The following NUMB variants were observed in gnomAD, a reference collection of about 807,000 sequenced individuals.
The protein encoded by NUMB is protein numb homolog.
In NUMB, 29 loss-of-function variants were observed where a neutral mutation model predicts 59.7. That is an observed-to-expected ratio of 0.49 (90% CI 0.36 to 0.66). The LOEUF (loss-of-function observed/expected upper bound fraction) is 0.66. Ranked by LOEUF, NUMB falls within the 30% of genes least tolerant of loss-of-function variation. The pLI is 0.00. For synonymous variants in NUMB, 288 were observed against 288.2 expected (o/e 1.00, Z 0.01); for missense variants, 723 against 822.0 (o/e 0.88, Z 1.47).
At chr14:73,408,567 C>A (rs58885392) in intron 2 of NUMB, among the ~76,000 whole-genome samples, 3,137 of 152,188 alleles carry the variant, frequency 0.021, 111 homozygotes, top group African/African-American at 0.071. Flanking sequence ...TAGCAGTATA[C>A]TGTTTTGTTG....
At chr14:73,335,745 G>A (rs1892274830) in intron 4 of NUMB, among the ~76,000 whole-genome samples, 1 of 152,208 alleles carries the variant, frequency 6.6e-6, no homozygotes, top group African/African-American at 2.4e-5. Context: ...GACCTCTGAT[G>A]TGAGAGACTC....
chr14:73,457,650 C>G (rs914507189), intron 1 of NUMB: 1 of 152,360 alleles, frequency 6.6e-6, no homozygotes, highest in African/African-American at 2.4e-5. Flanking sequence ...ACGCGAGCCA[C>G]TCCTCGAGGA....
chr14:73,397,841 AAAG>A (rs1277377856), intron 2 of NUMB, among the ~76,000 whole-genome samples: 1 of 152,154 alleles, frequency 6.6e-6, no homozygotes, highest in Non-Finnish European at 1.5e-5. Flanking sequence ...CACCCCCTCT[AAAG>A]AAGACATTGA....
chr14:73,440,230 G>T (rs61985852), intron 1 of NUMB, among the ~76,000 whole-genome samples: 1 of 63,098 alleles, frequency 1.6e-5, no homozygotes, highest in African/African-American at 8.9e-5. Flanking sequence ...TATATATATG[G>T]ATATCCATAT....
intron 1 of NUMB, among the ~76,000 whole-genome samples, chr14:73,424,134 T>C (rs1185514746): frequency 6.6e-6 from 1 of 152,124 alleles, no homozygotes; most frequent in Admixed American, 6.5e-5. Context: ...TCTCTCTATA[T>C]ATAGAATCTC....
chr14:73,448,000 G>A lies in NUMB; in HGVS notation c.-233+10493C>T, dbSNP rs534832961. Among the ~76,000 whole-genome samples, 7 of 152,144 alleles carry A rather than the reference G, an allele frequency of 4.6e-5. No individual in the cohort carries two copies. In the South Asian group the frequency reaches 8.3e-4, roughly 18 times the overall value. ...TTTAGTAAAGACTGGGTTTTACCAC[G>A]TTGGCCAGGCTGGTCTCGAACTCTG... On this transcript the variant is annotated intron_variant, in intron 1 of 12. Transcript: ENST00000555238.
At chr14:73,300,249 C>T (rs1324328811) in intron 6 of NUMB, among the ~76,000 whole-genome samples, 1 of 151,906 alleles carries the variant, frequency 6.6e-6, no homozygotes, top group African/African-American at 2.4e-5. Flanking sequence ...TGAGATGGGG[C>T]TAGAATACAA....
chr14:73,279,254 C>T, intron 12 of NUMB, 27 bp downstream of exon 12: 1 of 1,614,074 alleles, frequency 6.2e-7, no homozygotes. Flanking sequence ...ATCCCAGAAT[C>T]CTCAACACCA....
chr14:73,291,261 A>G (rs1019213179), intron 8 of NUMB, among the ~76,000 whole-genome samples: 1 of 151,904 alleles, frequency 6.6e-6, no homozygotes, highest in Non-Finnish European at 1.5e-5. Context: ...TTGTATTTTT[A>G]GTAGAGACAG....
At position 73,316,404 on chromosome 14, in the gene NUMB, CT is replaced by C; in HGVS notation, c.219del (p.Gly74AlafsTer33). The C allele has an allele frequency of 6.2e-7, 1 of 1,613,646 alleles. No individual in the cohort carries two copies. The highest frequency in any genetic ancestry group is 1.1e-5 in the South Asian group (1 of 91,000). Reference protein sequence around the residue: ...KRLKAERKFFKGFFGKTGKKA... With the variant: ...KRLKAERKFFXGFFGKTGKKA... ...ATCAAACTTACTTTTCCAAAGAAGC[CT>C]TTGAAGAACTTCCTTTCCTGGAGGA... On this transcript the variant is annotated frameshift_variant, in exon 6 of 13. Coordinates refer to ENST00000555238, the MANE Select transcript of NUMB (RefSeq NM_001005743.2). LOFTEE classifies it high-confidence loss of function.
At chr14:73,338,657 C>T (rs1892475607) in intron 4 of NUMB, among the ~76,000 whole-genome samples, 1 of 152,164 alleles carries the variant, frequency 6.6e-6, no homozygotes, top group Admixed American at 6.5e-5. Context: ...TTACAATGGT[C>T]TTTATAAGGC....
At chr14:73,357,388 G>A (rs1381871337) in intron 3 of NUMB, among the ~76,000 whole-genome samples, 3 of 135,858 alleles carry the variant, frequency 2.2e-5, no homozygotes, top group Non-Finnish European at 3.1e-5. Context: ...AGGCAAAAGA[G>A]AGAAACTCTG....
intron 3 of NUMB, among the ~76,000 whole-genome samples, chr14:73,359,311 A>T (rs1013059509): frequency 1.3e-5 from 2 of 152,202 alleles, no homozygotes; most frequent in Non-Finnish European, 2.9e-5. Context: ...GTGCCACTGC[A>T]CTCCAGCCTG....
intron 3 of NUMB, among the ~76,000 whole-genome samples, chr14:73,356,841 T>C (rs1029804154): frequency 2.0e-5 from 3 of 152,016 alleles, no homozygotes; most frequent in East Asian, 1.9e-4. Context: ...TACAGAGACA[T>C]GTGCCACCAC....
At chr14:73,382,347 A>G (rs941700317) in intron 2 of NUMB, among the ~76,000 whole-genome samples, 1 of 151,822 alleles carries the variant, frequency 6.6e-6, no homozygotes, top group African/African-American at 2.4e-5. Flanking sequence ...GGGTTTTACC[A>G]TGTTGGCCAG....
In NUMB at chr14:73,424,477, A is replaced by G. The variant is rs574554253; in HGVS notation, c.-232-14409T>C. ...AAGTGCTTCTAATGAAGTCACTATC[A>G]ATCCTCTCAGTGCCATGATTCTTTC... On this transcript the variant is annotated intron_variant, in intron 1 of 12. Transcript: ENST00000555238. 1.6e-3 allele frequency among the ~76,000 whole-genome samples: 249 copies of G among 152,286 alleles called. 1 individual carries two copies. The highest frequency in any genetic ancestry group is 5.7e-3 in the African/African-American group (237 of 41,554).
Position 73,365,289 on chromosome 14 carries a change from T to C in NUMB, c.-16+1608A>G, listed in dbSNP as rs562181303. Among the ~76,000 whole-genome samples, 444 of 152,130 alleles carry C rather than the reference T, an allele frequency of 2.9e-3. 4 individuals carry two copies. Among genetic ancestry groups the C allele is most frequent in the Non-Finnish European group, 3.8e-3 (258 of 67,986 alleles). On this transcript the variant is annotated intron_variant, in intron 3 of 12. Transcript: ENST00000555238. Reference sequence around the variant, plus strand: ...CTCCTGGCCTCAAGTGATCTGCCCATCTCAGCCTCCCAAAGTGCTAAGATT... The same window carrying C: ...CTCCTGGCCTCAAGTGATCTGCCCACCTCAGCCTCCCAAAGTGCTAAGATT...
At position 73,450,997 on chromosome 14, in the gene NUMB, C is replaced by A. The variant is rs577123441; in HGVS notation, c.-233+7496G>T. Among the ~76,000 whole-genome samples the A allele has an allele frequency of 2.0e-5, 3 of 151,436 alleles. No individual in the cohort carries two copies. The South Asian group carries it at 6.3e-4, about 32-fold the overall frequency. ...TGAAATCCCGTCTCTACTAAAAATA[C>A]AAAAAAGTTAGCTGGGCATGCTAGT... is the stretch of plus-strand genomic sequence containing the variant. On this transcript the variant is annotated intron_variant, in intron 1 of 12. Coordinates refer to ENST00000555238, the MANE Select transcript of NUMB (RefSeq NM_001005743.2).
intron 1 of NUMB, among the ~76,000 whole-genome samples, chr14:73,433,579 G>A (rs1897926508): frequency 6.6e-6 from 1 of 152,062 alleles, no homozygotes; most frequent in African/African-American, 2.4e-5. Flanking sequence ...AAACAGTGCT[G>A]AAAACTGTCA....
Sources: allele counts gnomAD v4.1 joint callset (sites outside exome capture counted in the v4.1 genomes callset), GRCh38; gene constraint gnomAD v4.1.1; transcripts MANE v1.5; gene names NCBI Gene and HGNC (gene_info 2026-07-23, HGNC 2026-07-21).